Variants in ZNF516 observed in about 807,000 individuals in gnomAD.
The protein encoded by ZNF516 is zinc finger protein 516.
In ZNF516, 19 loss-of-function variants were observed where a neutral mutation model predicts 79.7. The ratio of observed to expected loss-of-function variants is 0.24; its 90% CI spans 0.17 to 0.35. ZNF516 has a LOEUF of 0.35. Among genes scored for constraint, ZNF516 ranks in the 10% least tolerant of loss-of-function variants. The probability of loss-of-function intolerance (pLI) is 1.00; values close to 1 mark genes in which losing one functional copy is unlikely to be tolerated. For missense variants in ZNF516, 1,678 were observed against 1,679.5 expected, an observed-to-expected ratio of 1.00 and a Z score of 0.02; for synonymous variants, 877 against 739.5, an observed-to-expected ratio of 1.19 and a Z score of -3.02.
chr18:76,431,648 C>A (rs1388530539), intron 3 of ZNF516, among the ~76,000 whole-genome samples: 1 of 152,174 alleles, frequency 6.6e-6, no homozygotes, highest in East Asian at 1.9e-4. Flanking sequence ...TCGCTGAGTT[C>A]ACGCGAGATC....
chr18:76,484,692 C>T (rs1388956622), intron 1 of ZNF516, among the ~76,000 whole-genome samples: 1 of 152,190 alleles, frequency 6.6e-6, no homozygotes, highest in Non-Finnish European at 1.5e-5. Flanking sequence ...AGCAAAAAAC[C>T]TGGTTTGTAA....
chr18:76,479,616 A>T (rs1914383235), intron 1 of ZNF516, among the ~76,000 whole-genome samples: 1 of 152,258 alleles, frequency 6.6e-6, no homozygotes, highest in African/African-American at 2.4e-5. Context: ...AGCCACACCA[A>T]GATTCCTTCC....
At chr18:76,456,196 C>T (rs17270483) in intron 2 of ZNF516, among the ~76,000 whole-genome samples, 10,334 of 152,300 alleles carry the variant, frequency 0.068, 353 homozygotes, top group African/African-American at 0.087. Context: ...CCTGGCCTGA[C>T]TTCTTTGGCA....
Position 76,442,930 on chromosome 18 carries a change from C to G in ZNF516, c.125G>C (p.Ser42Thr), listed in dbSNP as rs760004788. 6.2e-7 allele frequency: 1 copy of G among 1,612,142 alleles called. No individual in the cohort carries two copies. The highest frequency in any genetic ancestry group is 1.1e-5 in the South Asian group (1 of 91,092). ...TCHTCCICGKSFPFQSSLSQH... is the reference protein window; with the variant it reads ...TCHTCCICGKTFPFQSSLSQH... ...CGAAAGCGAGCTCTGGAAGGGGAAG[C>G]TCTTGCCGCAGATGCAGCAGGTGTG... Residue 42 changes from serine to threonine, a missense_variant, in exon 3 of 7, where the codon AGC becomes ACC. Coordinates refer to ENST00000443185, the MANE Select transcript of ZNF516 (RefSeq NM_014643.4).
At chr18:76,458,923 G>A (rs1912920736) in intron 2 of ZNF516, among the ~76,000 whole-genome samples, 1 of 152,194 alleles carries the variant, frequency 6.6e-6, no homozygotes, top group African/African-American at 2.4e-5. Flanking sequence ...GTGTGACAGT[G>A]AGTGTGGAAG....
intron 3 of ZNF516, among the ~76,000 whole-genome samples, chr18:76,381,991 G>A (rs1352708710): frequency 6.6e-6 from 1 of 152,148 alleles, no homozygotes; most frequent in African/African-American, 2.4e-5. Context: ...AATTAGCCAG[G>A]TGTAGTGGCA....
intron 3 of ZNF516, among the ~76,000 whole-genome samples, chr18:76,392,820 TAGTCAGGTG>T (rs1433709030): frequency 1.1e-3 from 75 of 66,578 alleles, no homozygotes; most frequent in East Asian, 1.8e-3. Flanking sequence ...GAAAGGCAGG[TAGTCAGGTG>T]GGAAGCCGGG....
At chr18:76,454,328 T>C (rs540665186) in intron 2 of ZNF516, among the ~76,000 whole-genome samples, 3 of 152,366 alleles carry the variant, frequency 2.0e-5, no homozygotes, top group Admixed American at 6.5e-5. Context: ...AAGAAGATTT[T>C]GATAGGATAG....
rs879673673 is a variant in ZNF516, at chr18:76,441,174, G to A, written c.1810+71C>T. 11 of 1,528,272 alleles carry A rather than the reference G, an allele frequency of 7.2e-6. No homozygotes were observed. In the South Asian group the frequency reaches 1.0e-4, roughly 14 times the overall value. The allele number at this position is 1,528,272 out of a possible 1,614,324, so 94.7% of individuals were successfully genotyped here. ...AATGAGCGAGCCTACTTGAGTATAC[G>A]TTTACCTGGAAGCAGGAACCCCCTG... On this transcript the variant is annotated intron_variant, in intron 3 of 6. Coordinates refer to ENST00000443185, the MANE Select transcript of ZNF516 (RefSeq NM_014643.4).
chr18:76,476,070 T>C (rs1361318217), intron 1 of ZNF516, among the ~76,000 whole-genome samples: 3 of 152,224 alleles, frequency 2.0e-5, no homozygotes, highest in African/African-American at 4.8e-5. Context: ...ATGAAGACTT[T>C]GTCGTGTATA....
At chr18:76,440,601 A>G (rs2075801336) in intron 3 of ZNF516, among the ~76,000 whole-genome samples, 1 of 152,262 alleles carries the variant, frequency 6.6e-6, no homozygotes, top group Admixed American at 6.5e-5. Flanking sequence ...TTACATGGCT[A>G]TGTGAAAAGT....
At position 76,379,477 on chromosome 18, in the gene ZNF516, C is replaced by T. The variant is rs765077822; in HGVS notation, c.2637G>A (p.Ala879=). 3.3e-5 allele frequency: 53 copies of T among 1,613,526 alleles called. No individual in the cohort carries two copies. The highest frequency in any genetic ancestry group is 4.0e-5 in the African/African-American group (3 of 74,940). ...TCTGTCGATACCCGTCAGGGCCGGG[C>T]GCCCACAGAGCGCAGGGACCTCCGG... The part of the protein sequence containing the change: ...SHSGGPCALW[A]PGPDGYRQTK... The change falls in exon 4 of 7, where the codon GCG becomes GCA. Residue 879 remains alanine (A), a synonymous_variant. Coordinates refer to ENST00000443185, the MANE Select transcript of ZNF516 (RefSeq NM_014643.4).
Position 76,443,085 on chromosome 18 carries a change from C to A in ZNF516, c.-31G>T, listed in dbSNP as rs1311845623. On this transcript the variant is annotated 5_prime_UTR_variant, in exon 3 of 7. Transcript: ENST00000443185. ...GGACGGGCGCGGCCGGTGGTGGCGG[C>A]ACAGCTTTCTGTCGCGCGGGCTGCA... 2 of 1,550,334 alleles carry A rather than the reference C, an allele frequency of 1.3e-6. No individual in the cohort carries two copies. Among genetic ancestry groups the A allele is most frequent in the African/African-American group, 1.4e-5 (1 of 73,086 alleles).
At chr18:76,477,170 T>C (rs147252489) in intron 1 of ZNF516, among the ~76,000 whole-genome samples, 159 of 152,336 alleles carry the variant, frequency 1.0e-3, no homozygotes, top group African/African-American at 3.5e-3. Flanking sequence ...TCTACTTGAA[T>C]GCTAGTCGAT....
upstream of ZNF516, chr18:76,496,418 G>C: frequency 7.8e-7 from 1 of 1,289,634 alleles, no homozygotes; most frequent in Non-Finnish European, 1.0e-6. Flanking sequence ...GTCTCTCTCT[G>C]CGCCTCACAC....
chr18:76,374,561 G>A (rs1165609409), intron 4 of ZNF516, among the ~76,000 whole-genome samples: 1 of 152,138 alleles, frequency 6.6e-6, no homozygotes, highest in East Asian at 1.9e-4. Flanking sequence ...CCTAACTTCT[G>A]AATAAAACCT....
intron 1 of ZNF516, chr18:76,491,618 C>T: frequency 3.6e-6 from 2 of 548,838 alleles, no homozygotes; most frequent in Non-Finnish European, 4.6e-6. Context: ...CCGCCCCTTC[C>T]CGCCCCGCCC....
chr18:76,491,237 C>T (rs1002030157), intron 1 of ZNF516, among the ~76,000 whole-genome samples: 9 of 148,500 alleles, frequency 6.1e-5, no homozygotes, highest in Non-Finnish European at 1.4e-4. Flanking sequence ...CCCGGAGCCC[C>T]GCGCAGACCC....
chr18:76,495,769 C>T (rs912827052), upstream of ZNF516: 52 of 1,145,718 alleles, frequency 4.5e-5, no homozygotes, highest in Non-Finnish European at 5.4e-5. Flanking sequence ...AATGGGGACA[C>T]CCCTTCGGGG....
Sources: allele counts gnomAD v4.1 joint callset (sites outside exome capture counted in the v4.1 genomes callset), GRCh38; gene constraint gnomAD v4.1.1; transcripts MANE v1.5; gene names NCBI Gene and HGNC (gene_info 2026-07-23, HGNC 2026-07-21).